AIM2: variants seen among roughly 807,000 people sequenced by gnomAD.
The protein encoded by AIM2 is absent in melanoma 2, also known as interferon-inducible protein AIM2.
A neutral mutation model predicts 27.7 loss-of-function variants in AIM2; 30 were observed. The ratio of observed to expected loss-of-function variants is 1.08; its 90% CI spans 0.81 to 1.47. The LOEUF (loss-of-function observed/expected upper bound fraction) is 1.47. Among genes scored for constraint, AIM2 ranks in the 40% most tolerant of loss-of-function variants. AIM2 has a pLI of 0.00. For missense variants in AIM2, 358 were observed against 411.3 expected (o/e 0.87, Z 1.12); for synonymous variants, 141 against 145.3 (o/e 0.97, Z 0.21).
intron 1 of AIM2, among the ~76,000 whole-genome samples, chr1:159,099,722 T>C (rs780558218): frequency 1.3e-5 from 2 of 152,186 alleles, no homozygotes; most frequent in South Asian, 4.1e-4. Context: ...GATCCTCCCA[T>C]GATCCCAGCA....
intron 1 of AIM2, among the ~76,000 whole-genome samples, chr1:159,089,109 CTG>C (rs1227844698): frequency 6.6e-6 from 1 of 152,198 alleles, no homozygotes; most frequent in East Asian, 1.9e-4. Flanking sequence ...TGGTTAAGGA[CTG>C]TCATTTGTAT....
chr1:159,109,733 A>G (rs1345327004), intron 1 of AIM2, among the ~76,000 whole-genome samples: 2 of 152,178 alleles, frequency 1.3e-5, no homozygotes. Flanking sequence ...AATTCCATCA[A>G]AAAGTGGGAT....
intron 1 of AIM2, among the ~76,000 whole-genome samples, chr1:159,129,945 C>T (rs532185221): frequency 2.2e-4 from 33 of 152,332 alleles, no homozygotes; most frequent in African/African-American, 7.7e-4. Context: ...ACACTCCTTG[C>T]TTCTCCTTCC....
At chr1:159,102,754 T>C (rs1657344952) in intron 1 of AIM2, among the ~76,000 whole-genome samples, 1 of 152,214 alleles carries the variant, frequency 6.6e-6, no homozygotes, top group South Asian at 2.1e-4. Flanking sequence ...TTGGCCAATT[T>C]CTCCCATTTG....
intron 4 of AIM2, among the ~76,000 whole-genome samples, chr1:159,065,382 C>T (rs1656039033): frequency 6.6e-6 from 1 of 152,096 alleles, no homozygotes; most frequent in African/African-American, 2.4e-5. Flanking sequence ...TCTGTCTTCC[C>T]CCAGTTTGCA....
At chr1:159,077,814 T>A (rs1187239372), upstream of AIM2, among the ~76,000 whole-genome samples, 1 of 152,176 alleles carries the variant, frequency 6.6e-6, no homozygotes, top group East Asian at 1.9e-4. Flanking sequence ...TTCTTATTCA[T>A]TGAATTAACA....
chr1:159,101,485 G>C (rs1657311206), intron 1 of AIM2, among the ~76,000 whole-genome samples: 1 of 152,186 alleles, frequency 6.6e-6, no homozygotes, highest in South Asian at 2.1e-4. Context: ...GGGCACTGCT[G>C]TAAAGATACC....
chr1:159,135,739 C>T (rs975230047), intron 1 of AIM2, among the ~76,000 whole-genome samples: 1 of 152,184 alleles, frequency 6.6e-6, no homozygotes. Context: ...CAAAGGAAGA[C>T]AAGTTATCAG....
intron 1 of AIM2, among the ~76,000 whole-genome samples, chr1:159,075,403 G>GA (rs113659112): frequency 0.071 from 10,596 of 149,718 alleles, 677 homozygotes; most frequent in East Asian, 0.31. Context: ...GGACAAGCCA[G>GA]AAAAAAAAAA....
chr1:159,070,024 A>C (rs1656282035), intron 2 of AIM2, among the ~76,000 whole-genome samples: 1 of 152,056 alleles, frequency 6.6e-6, no homozygotes, highest in African/African-American at 2.4e-5. Flanking sequence ...AGGTACCTTT[A>C]ACTCCTATGC....
intron 1 of AIM2, among the ~76,000 whole-genome samples, chr1:159,075,980 C>T (rs904657224): frequency 4.6e-5 from 7 of 152,022 alleles, no homozygotes; most frequent in Admixed American, 3.3e-4. Context: ...TGTTGGTAAG[C>T]GCTGGAGAAA....
At chr1:159,124,442 C>T (rs1478905014) in intron 1 of AIM2, among the ~76,000 whole-genome samples, 1 of 152,174 alleles carries the variant, frequency 6.6e-6, no homozygotes, top group African/African-American at 2.4e-5. Flanking sequence ...TCCTAGCCCC[C>T]GTTCTAGACT....
rs543597672 is a variant in AIM2, at chr1:159,096,368, A to G, written c.-15-30039T>C. ...GCCTATCTTGCAGTAATGTTGTGAA[A>G]AGAAACAGGATAATGTGTGAATCAC... On this transcript the variant is annotated intron_variant, in intron 1 of 2. Transcript: ENST00000368129. Among the ~76,000 whole-genome samples the G allele has an allele frequency of 2.4e-4, 37 of 151,922 alleles. No homozygotes were observed. In the Middle Eastern group the frequency reaches 0.01, roughly 42 times the overall value.
intron 1 of AIM2, among the ~76,000 whole-genome samples, chr1:159,117,780 C>A (rs1211724612): frequency 6.6e-6 from 1 of 152,144 alleles, no homozygotes; most frequent in Non-Finnish European, 1.5e-5. Flanking sequence ...CAAAGACACA[C>A]ACACACACCT....
intron 1 of AIM2, among the ~76,000 whole-genome samples, chr1:159,132,674 G>C (rs1647919662): frequency 6.6e-6 from 1 of 152,188 alleles, no homozygotes; most frequent in African/African-American, 2.4e-5. Context: ...CCAGAGAATA[G>C]AGTAACACCC....
chr1:159,135,039 ACTT>A (rs1438388957), intron 1 of AIM2, among the ~76,000 whole-genome samples: 1 of 152,112 alleles, frequency 6.6e-6, no homozygotes, highest in Non-Finnish European at 1.5e-5. Context: ...CAGCCACAGA[ACTT>A]CTTTGCTCCA....
At chr1:159,086,197 T>C (rs1656908211) in intron 1 of AIM2, among the ~76,000 whole-genome samples, 1 of 152,198 alleles carries the variant, frequency 6.6e-6, no homozygotes, top group South Asian at 2.1e-4. Context: ...TCTACTTATA[T>C]TTGATATCAA....
chr1:159,073,087 T>G (rs760039985), intron 2 of AIM2, 151 bp downstream of exon 2: 6 of 935,158 alleles, frequency 6.4e-6, no homozygotes, highest in Non-Finnish European at 9.5e-6. Flanking sequence ...GAAGCGATTC[T>G]CAGTAAAAGG....
At chr1:159,096,424 T>C (rs1461671366) in intron 1 of AIM2, among the ~76,000 whole-genome samples, 1 of 152,154 alleles carries the variant, frequency 6.6e-6, no homozygotes, top group Non-Finnish European at 1.5e-5. Context: ...TAGTCTGAGC[T>C]TAATAAATGT....
Sources: gnomAD v4.1 joint callset for allele counts (sites outside exome capture counted in the v4.1 genomes callset) on GRCh38, gnomAD v4.1.1 for gene constraint, MANE v1.5 for transcripts, NCBI Gene and HGNC (gene_info 2026-07-23, HGNC 2026-07-21) for gene names.